Variants in SERHL2 observed in about 807,000 individuals in gnomAD.
SERHL2 encodes the protein serine hydrolase-like protein 2.
In SERHL2, 29 loss-of-function variants were observed where a neutral mutation model predicts 25.5. That is an observed-to-expected ratio of 1.14 (90% confidence interval 0.85 to 1.55). The LOEUF is 1.55. Among genes scored for constraint, SERHL2 ranks in the 40% most tolerant of loss-of-function variants. SERHL2 has a pLI of 0.00. For synonymous variants in SERHL2, 95 were observed against 103.5 expected (o/e 0.92, Z 0.50); for missense variants, 240 against 252.3 (o/e 0.95, Z 0.33).
intron 9 of SERHL2, among the ~76,000 whole-genome samples, chr22:42,570,852 G>A (rs1924071597): frequency 6.6e-6 from 1 of 152,036 alleles, no homozygotes; most frequent in Non-Finnish European, 1.5e-5. Context: ...GGCATACCCG[G>A]TGGCAAAGGA....
At chr22:42,559,851 C>A (rs1043276796) in intron 7 of SERHL2, among the ~76,000 whole-genome samples, 2 of 151,870 alleles carry the variant, frequency 1.3e-5, no homozygotes, top group Admixed American at 6.6e-5. Flanking sequence ...TCGCTCTGTT[C>A]CCCAGGCTAG....
At position 42,572,530 on chromosome 22, in the gene SERHL2, G is replaced by T. The variant is rs5996192; in HGVS notation, c.825+1G>T. 1.1e-5 allele frequency: 18 copies of T among 1,611,546 alleles called. No individual in the cohort carries two copies. In the African/African-American group the frequency reaches 2.1e-4, roughly 19 times the overall value. On this transcript the variant is annotated splice_donor_variant, in intron 11 of 11. Coordinates refer to ENST00000327678, the MANE Select transcript of SERHL2 (RefSeq NM_014509.5). LOFTEE classifies it high-confidence loss of function. ...CACGATGAAATCCACCCTCAAAGAGGTAAGACGGGGCTCAGGCAGCTGGTG... is the reference window on the plus strand; with the variant it reads ...CACGATGAAATCCACCCTCAAAGAGTTAAGACGGGGCTCAGGCAGCTGGTG...
chr22:42,572,229 ACTTGTGCCTGG>A (rs1480018283), intron 10 of SERHL2, among the ~76,000 whole-genome samples, 196 bp from the exon 11 acceptor site: 1 of 152,006 alleles, frequency 6.6e-6, no homozygotes, highest in African/African-American at 2.4e-5. Flanking sequence ...TTCAGCATTC[ACTTGTGCCTGG>A]CTTGTGCCAG....
intron 7 of SERHL2, among the ~76,000 whole-genome samples, chr22:42,559,731 A>G (rs1922432654): frequency 6.6e-6 from 1 of 151,748 alleles, no homozygotes; most frequent in Non-Finnish European, 1.5e-5. Context: ...AAAGAAAAAA[A>G]AAGAAAAAAA....
rs1378242234 is a variant in SERHL2, at chr22:42,559,191, T to TA, written c.533+735dup. On this transcript the variant is annotated intron_variant, in intron 7 of 11. Coordinates refer to ENST00000327678, the MANE Select transcript of SERHL2 (RefSeq NM_014509.5). ...GGGAAGATAGCTTGAGCCCAGGAGT[T>TA]AGAGACCAGCCTGAGCGAGATAGCG... 2.7e-4 allele frequency among the ~76,000 whole-genome samples: 22 copies of TA among 82,496 alleles called. 1 individual carries two copies. The highest frequency in any genetic ancestry group is 8.6e-3 in the Middle Eastern group (1 of 116). The allele number at this position is 82,496 out of a possible 152,430, so 54.1% of individuals were successfully genotyped here. A position where few individuals can be genotyped will look rare whatever the true frequency, so the allele number is the denominator to read the frequency against.
At chr22:42,572,652 C>T (rs1924395581) in intron 11 of SERHL2, 123 bp downstream of exon 11, 1 of 1,445,220 alleles carries the variant, frequency 6.9e-7, no homozygotes, top group South Asian at 1.4e-5. Context: ...AAGTGACCAC[C>T]AGGATCTATC....
intron 9 of SERHL2, among the ~76,000 whole-genome samples, chr22:42,567,340 CTTTTCT>C (rs1463843261): frequency 6.6e-6 from 1 of 152,012 alleles, no homozygotes; most frequent in Non-Finnish European, 1.5e-5. Flanking sequence ...GATTCATTTT[CTTTTCT>C]TTTTTTCTTT....
intron 8 of SERHL2, among the ~76,000 whole-genome samples, chr22:42,560,889 C>T (rs564104841): frequency 6.6e-6 from 1 of 151,984 alleles, no homozygotes; most frequent in East Asian, 1.9e-4. Context: ...GTGTGAGCTA[C>T]TGTGCCTGGC....
intron 11 of SERHL2, chr22:42,573,470 C>G: frequency 6.1e-6 from 1 of 163,242 alleles, no homozygotes; most frequent in Non-Finnish European, 1.3e-5. Flanking sequence ...CTCTTGATCT[C>G]CTGACCTCGT....
At chr22:42,566,270 A>G (rs1479068908) in intron 8 of SERHL2, 34 bp from the exon 9 acceptor site, 1 of 1,607,266 alleles carries the variant, frequency 6.2e-7, no homozygotes, top group South Asian at 1.1e-5. Flanking sequence ...GATGGACAGC[A>G]TTGACGCTGC....
chr22:42,560,401 C>A, intron 8 of SERHL2, 136 bp downstream of exon 8: 1 of 673,408 alleles, frequency 1.5e-6, no homozygotes, highest in Non-Finnish European at 2.7e-6. Context: ...TCCTGCCTCA[C>A]CCTCATCCCA....
chr22:42,568,402 T>G (rs1046054524), intron 9 of SERHL2, among the ~76,000 whole-genome samples: 1 of 151,358 alleles, frequency 6.6e-6, no homozygotes, highest in Admixed American at 6.6e-5. Flanking sequence ...CACTGGTGGT[T>G]TGTCCCTTGT....
At chr22:42,565,514 C>A (rs1280416649) in intron 8 of SERHL2, among the ~76,000 whole-genome samples, 1 of 151,774 alleles carries the variant, frequency 6.6e-6, no homozygotes, top group Non-Finnish European at 1.5e-5. Flanking sequence ...TTAGTAGAGA[C>A]CAGGTTTAAC....
At chr22:42,570,692 T>G (rs969674474) in intron 9 of SERHL2, among the ~76,000 whole-genome samples, 16 of 152,210 alleles carry the variant, frequency 1.1e-4, no homozygotes, top group African/African-American at 3.4e-4. Context: ...GCAAGTTTCT[T>G]CCTCCTGGCA....
intron 8 of SERHL2, among the ~76,000 whole-genome samples, chr22:42,563,052 C>T (rs183203777): frequency 3.3e-4 from 50 of 151,990 alleles, no homozygotes; most frequent in African/African-American, 1.0e-3. Context: ...CAAAAATAAA[C>T]GGCATGGTGG....
chr22:42,554,207 G>A, intron 1 of SERHL2, 165 bp downstream of exon 1: 1 of 863,930 alleles, frequency 1.2e-6, no homozygotes, highest in Non-Finnish European at 1.8e-6. Context: ...CCGGCCAGGA[G>A]TTGGGGGACC....
chr22:42,566,203 C>T, intron 8 of SERHL2, 101 bp from the exon 9 acceptor site: 3 of 1,176,816 alleles, frequency 2.5e-6, no homozygotes, highest in Non-Finnish European at 3.7e-6. Flanking sequence ...GAGAAATGGG[C>T]CCTGGCTGCA....
chr22:42,559,045 GCACGCGCACACACACCCACACACACA>G (rs1922329507), intron 7 of SERHL2, among the ~76,000 whole-genome samples: 1 of 59,196 alleles, frequency 1.7e-5, no homozygotes, highest in Non-Finnish European at 2.8e-5. Flanking sequence ...CCCACCACAC[GCACGCGCACACACACCCACACACACA>G]CACCCTGCCG....
chr22:42,568,675 T>C (rs1312406302), intron 9 of SERHL2, among the ~76,000 whole-genome samples: 1 of 151,854 alleles, frequency 6.6e-6, no homozygotes, highest in African/African-American at 2.4e-5. Flanking sequence ...TCTGGCCAGC[T>C]AAGTTTTAAG....
Sources: gnomAD v4.1 joint callset for allele counts (sites outside exome capture counted in the v4.1 genomes callset) on GRCh38, gnomAD v4.1.1 for gene constraint, MANE v1.5 for transcripts, NCBI Gene and HGNC (gene_info 2026-07-23, HGNC 2026-07-21) for gene names.